Variants in FAT3 observed in about 807,000 individuals in gnomAD.
FAT3 encodes FAT atypical cadherin 3.
Under a neutral mutation model 310.2 loss-of-function variants are expected in FAT3, and 95 were observed. The observed-to-expected ratio is 0.31, with a 90% CI of 0.26 to 0.36. FAT3 has a LOEUF of 0.36. FAT3 is among the 10% of genes least tolerant of loss of function. The probability of loss-of-function intolerance (pLI) is 1.00; values close to 1 mark genes in which losing one functional copy is unlikely to be tolerated. For synonymous variants in FAT3, 2,314 were observed against 2,192.9 expected (o/e 1.06, Z -1.54); for missense variants, 5,408 against 5,715.6 (o/e 0.95, Z 1.74).
intron 1 of FAT3, among the ~76,000 whole-genome samples, chr11:92,227,975 G>A (rs1051801538): frequency 6.6e-6 from 1 of 151,508 alleles, no homozygotes; most frequent in African/African-American, 2.4e-5. Context: ...GAATTAAACC[G>A]AATGTTGATA....
intron 3 of FAT3, among the ~76,000 whole-genome samples, chr11:92,679,888 A>G (rs1259141791): frequency 1.3e-5 from 2 of 149,138 alleles, no homozygotes; most frequent in East Asian, 3.9e-4. Flanking sequence ...TTTTTCAAAT[A>G]CCTGTTAGCC....
intron 1 of FAT3, among the ~76,000 whole-genome samples, chr11:92,351,768 T>G (rs1338331436): frequency 6.6e-6 from 1 of 152,166 alleles, no homozygotes; most frequent in African/African-American, 2.4e-5. Context: ...TAAATGCACT[T>G]AAGGCTTCCA....
intron 1 of FAT3, among the ~76,000 whole-genome samples, chr11:92,265,563 G>A (rs1393257088): frequency 6.6e-6 from 1 of 151,956 alleles, no homozygotes; most frequent in Non-Finnish European, 1.5e-5. Context: ...CTAAGGTTGG[G>A]TGTCTTAGAT....
rs1565643311 is a variant in FAT3 at position 92,844,046 on chromosome 11, C to T, written c.10679C>T (p.Thr3560Ile). The change falls in exon 19 of 28, where the codon ACC becomes ATC. Residue 3560 changes from threonine to isoleucine, a missense_variant. By Grantham distance (89) the Thr-to-Ile change is moderately conservative (BLOSUM62 -1). Coordinates refer to ENST00000525166, the MANE Select transcript of FAT3 (RefSeq NM_001367949.2). ...TAIPLEIFIVTMEDDFPGGVI... is the reference protein window; with the variant it reads ...TAIPLEIFIVIMEDDFPGGVI... ...ATTCCCCTGGAAATTTTCATTGTCACCATGGAGGATGACTTTCCTGGTGGG... is the reference window on the plus strand; with the variant it reads ...ATTCCCCTGGAAATTTTCATTGTCATCATGGAGGATGACTTTCCTGGTGGG... The T allele has an allele frequency of 6.2e-7, 1 of 1,613,970 alleles. No homozygotes were observed. Among genetic ancestry groups the T allele is most frequent in the East Asian group, 2.2e-5 (1 of 44,874 alleles).
intron 2 of FAT3, among the ~76,000 whole-genome samples, chr11:92,447,395 A>G (rs1951246678): frequency 6.6e-6 from 1 of 151,990 alleles, no homozygotes; most frequent in Non-Finnish European, 1.5e-5. Flanking sequence ...TAAGATGAGA[A>G]CAGTAATGCC....
chr11:92,320,365 G>T (rs554782480), intron 1 of FAT3, among the ~76,000 whole-genome samples: 1 of 152,006 alleles, frequency 6.6e-6, no homozygotes, highest in Middle Eastern at 3.4e-3. Context: ...TCCAAGAAAT[G>T]CATATTGACA....
chr11:92,544,177 A>G (rs535496104), intron 3 of FAT3, among the ~76,000 whole-genome samples: 1 of 152,326 alleles, frequency 6.6e-6, no homozygotes, highest in South Asian at 2.1e-4. Flanking sequence ...TAAAATGTTT[A>G]AATTTCTAAA....
At chr11:92,505,744 A>T (rs777523053) in intron 2 of FAT3, among the ~76,000 whole-genome samples, 1 of 152,156 alleles carries the variant, frequency 6.6e-6, no homozygotes, top group South Asian at 2.1e-4. Context: ...GATGTGATAA[A>T]TGATAATAAT....
chr11:92,839,552 G>A (rs143038916), intron 17 of FAT3, among the ~76,000 whole-genome samples: 27 of 152,176 alleles, frequency 1.8e-4, no homozygotes, highest in Admixed American at 3.9e-4. Context: ...CCTGAATGAC[G>A]TTCTTATTTC....
chr11:92,582,895 G>A (rs1314710028), intron 3 of FAT3, among the ~76,000 whole-genome samples: 3 of 151,850 alleles, frequency 2.0e-5, no homozygotes, highest in Non-Finnish European at 4.4e-5. Flanking sequence ...GCAAAATCTG[G>A]GCCAAAAGCC....
intron 2 of FAT3, among the ~76,000 whole-genome samples, chr11:92,368,453 T>C (rs1225899910): frequency 3.9e-5 from 6 of 152,172 alleles, no homozygotes; most frequent in Non-Finnish European, 8.8e-5. Context: ...AAACTAGTAA[T>C]TTCTGTGTCT....
At position 92,695,357 on chromosome 11, in the gene FAT3, C is replaced by T. The variant is rs114008401; in HGVS notation, c.3608-2027C>T. ...GTTTTTTACGTTTCCCTGGTGATTC[C>T]GATGGTCAGCTAAGGAAGGAAAGTT... On this transcript the variant is annotated intron_variant, in intron 3 of 27. Coordinates refer to ENST00000525166, the MANE Select transcript of FAT3 (RefSeq NM_001367949.2). Among the ~76,000 whole-genome samples the T allele has an allele frequency of 2.0e-3, 303 of 151,978 alleles. 1 individual carries two copies. The highest frequency in any genetic ancestry group is 7.0e-3 in the African/African-American group (291 of 41,456).
chr11:92,373,844 G>C (rs945914684), intron 2 of FAT3, among the ~76,000 whole-genome samples: 1 of 151,558 alleles, frequency 6.6e-6, no homozygotes, highest in Non-Finnish European at 1.5e-5. Context: ...AGATGTATGA[G>C]AGGAGATTAA....
intron 3 of FAT3, among the ~76,000 whole-genome samples, chr11:92,583,914 A>T (rs566248134): frequency 2.0e-5 from 3 of 152,148 alleles, no homozygotes; most frequent in Non-Finnish European, 2.9e-5. Flanking sequence ...GGATTGGGGC[A>T]TCTAGGTTAG....
intron 7 of FAT3, among the ~76,000 whole-genome samples, chr11:92,778,977 A>C (rs1270921281): frequency 6.6e-6 from 1 of 152,176 alleles, no homozygotes. Context: ...CCAGTCTTAA[A>C]CATTACAGAA....
At chr11:92,384,210 A>T (rs1358859187) in intron 2 of FAT3, among the ~76,000 whole-genome samples, 1 of 152,136 alleles carries the variant, frequency 6.6e-6, no homozygotes, top group Non-Finnish European at 1.5e-5. Flanking sequence ...ATTTCCCTGT[A>T]TAAATCTGAA....
At chr11:92,811,964 G>C (rs1591767303) in intron 13 of FAT3, among the ~76,000 whole-genome samples, 1 of 152,322 alleles carries the variant, frequency 6.6e-6, no homozygotes, top group Non-Finnish European at 1.5e-5. Flanking sequence ...AGCACCTACT[G>C]TGCCTTAGCC....
At chr11:92,610,500 T>A (rs1940512100) in intron 3 of FAT3, among the ~76,000 whole-genome samples, 1 of 152,202 alleles carries the variant, frequency 6.6e-6, no homozygotes, top group African/African-American at 2.4e-5. Flanking sequence ...GACCAATATT[T>A]AGGCCCAACT....
intron 1 of FAT3, among the ~76,000 whole-genome samples, chr11:92,252,948 G>T (rs1212416460): frequency 6.6e-6 from 1 of 152,046 alleles, no homozygotes; most frequent in East Asian, 1.9e-4. Context: ...CTAGAACTTT[G>T]GGTAGGGAGG....
Sources: gnomAD v4.1 joint callset for allele counts (sites outside exome capture counted in the v4.1 genomes callset) on GRCh38, gnomAD v4.1.1 for gene constraint, MANE v1.5 for transcripts, NCBI Gene and HGNC (gene_info 2026-07-23, HGNC 2026-07-21) for gene names.